Variants in SETX observed in about 807,000 individuals in gnomAD.
The protein encoded by SETX is helicase senataxin.
A neutral mutation model predicts 227.2 loss-of-function variants in SETX; 90 were observed. That is an observed-to-expected ratio of 0.40 (90% CI 0.33 to 0.47). The LOEUF is 0.47. Among genes scored for constraint, SETX ranks in the 20% least tolerant of loss-of-function variants. The pLI is 0.91. For synonymous variants in SETX, 1,210 were observed against 1,113.2 expected (o/e 1.09, Z -1.73); for missense variants, 3,052 against 3,181.5 (o/e 0.96, Z 0.98).
In SETX at chr9:132,278,437, CTTTTTTTTTTTTTTTTTTTTTTT is replaced by C. The variant is rs67558000; in HGVS notation, c.6655-203_6655-181del. Among the ~76,000 whole-genome samples the C allele has an allele frequency of 2.1e-3, 178 of 84,876 alleles. 1 individual carries two copies. The highest frequency in any genetic ancestry group is 6.4e-3 in the African/African-American group (170 of 26,618). The allele number at this position is 84,876 out of a possible 152,430, so 55.7% of individuals were successfully genotyped here. A position where few individuals can be genotyped will look rare whatever the true frequency, so the allele number is the denominator to read the frequency against. Reference sequence around the variant, plus strand: ...CTCTGAGCCTCAAAATGCCATGAATCTTTTTTTTTTTTTTTTTTTTTTTTTTTTTTTTTTGGAGACACAGTCTC... The same window carrying C: ...CTCTGAGCCTCAAAATGCCATGAATCTTTTTTTTTTTGGAGACACAGTCTC... On this transcript the variant is annotated intron_variant, in intron 20 of 25. Coordinates refer to ENST00000224140, the MANE Select transcript of SETX (RefSeq NM_015046.7).
At chr9:132,299,449 T>C (rs1310620822) in intron 12 of SETX, among the ~76,000 whole-genome samples, 1 of 152,212 alleles carries the variant, frequency 6.6e-6, no homozygotes, top group Non-Finnish European at 1.5e-5. Flanking sequence ...CAATCCTCAC[T>C]GCAACTCTTC....
chr9:132,332,976 C>T lies in SETX; in HGVS notation c.839-1528G>A, dbSNP rs1847338676. 4.0e-5 allele frequency among the ~76,000 whole-genome samples: 6 copies of T among 149,500 alleles called. No individual in the cohort carries two copies. In the South Asian group the frequency reaches 1.3e-3, roughly 32 times the overall value. On this transcript the variant is annotated intron_variant, in intron 7 of 25. Transcript: ENST00000224140. Reference sequence around the variant, plus strand: ...AAGATGGTTAAGGGAGCTAGCTTAACAGAAAGGACAGAATTATACATGTAG... The same window carrying T: ...AAGATGGTTAAGGGAGCTAGCTTAATAGAAAGGACAGAATTATACATGTAG...
At chr9:132,265,898 A>T (rs1284290794) in intron 25 of SETX, among the ~76,000 whole-genome samples, 1 of 152,190 alleles carries the variant, frequency 6.6e-6, no homozygotes, top group South Asian at 2.1e-4. Flanking sequence ...AAGGCCTCCC[A>T]AACCCCGAAT....
In SETX at chr9:132,319,786, G is replaced by A. The variant is rs538664001; in HGVS notation, c.5274+6538C>T. Among the ~76,000 whole-genome samples the A allele has an allele frequency of 2.0e-5, 3 of 152,244 alleles. No individual in the cohort carries two copies. In the South Asian group the frequency reaches 6.2e-4, roughly 32 times the overall value. On this transcript the variant is annotated intron_variant, in intron 10 of 25. Transcript: ENST00000224140. The stretch of plus-strand genomic sequence containing the variant: ...TACCACCCTAAATTCACCCAATCTT[G>A]TCTGAAATTAGCCACAGAAATAGAG...
chr9:132,267,088 C>T (rs1842685808), intron 25 of SETX, among the ~76,000 whole-genome samples: 1 of 152,186 alleles, frequency 6.6e-6, no homozygotes, highest in Admixed American at 6.5e-5. Context: ...AAATAAGGCA[C>T]TGTGTCATAG....
intron 10 of SETX, among the ~76,000 whole-genome samples, chr9:132,321,405 C>T (rs1034155180): frequency 2.6e-5 from 4 of 152,018 alleles, no homozygotes; most frequent in Admixed American, 6.5e-5. Flanking sequence ...ACCTGTAATC[C>T]CAGCACTTTG....
intron 5 of SETX, among the ~76,000 whole-genome samples, chr9:132,339,396 T>G (rs1847831658): frequency 6.6e-6 from 1 of 152,092 alleles, no homozygotes; most frequent in African/African-American, 2.4e-5. Flanking sequence ...GAGATTACAG[T>G]GAGCTGTCAT....
chr9:132,309,315 A>G (rs1390598141), intron 11 of SETX, among the ~76,000 whole-genome samples: 2 of 152,154 alleles, frequency 1.3e-5, no homozygotes, highest in African/African-American at 4.8e-5. Flanking sequence ...CATGACAAAC[A>G]TAGCAGTGCA....
intron 10 of SETX, 118 bp downstream of exon 10, chr9:132,326,206 A>T: frequency 1.3e-6 from 1 of 787,158 alleles, no homozygotes; most frequent in East Asian, 2.7e-5. Flanking sequence ...AGCTGGGATT[A>T]CAGGTGCCCG....
At position 132,330,212 on chromosome 9, in the gene SETX, C is replaced by A; in HGVS notation, c.1386G>T (p.Leu462Phe). ...TTCTATGCAGTTCAATCACTGATAC[C>A]AAAATTAGAAGAAAAAATTCAGTGA... ...DKVTEFFLLI[L>F]VSVIELHRNK... Residue 462 changes from leucine (L) to phenylalanine (F), a missense_variant, in exon 10 of 26, where the codon TTG (leucine) becomes TTT (phenylalanine). Physicochemically the swap from Leu to Phe is conservative, Grantham distance 22. Coordinates refer to ENST00000224140, the MANE Select transcript of SETX (RefSeq NM_015046.7). The A allele has an allele frequency of 6.4e-7, 1 of 1,569,250 alleles. No homozygotes were observed. Among genetic ancestry groups the A allele is most frequent in the Non-Finnish European group, 8.6e-7 (1 of 1,157,808 alleles).
rs756823072 is a variant in SETX at position 132,327,478 on chromosome 9, T to C, written c.4120A>G (p.Lys1374Glu). 21 of 1,614,178 alleles carry C rather than the reference T, an allele frequency of 1.3e-5. No homozygotes were observed. The highest frequency in any genetic ancestry group is 1.8e-5 in the Non-Finnish European group (21 of 1,180,048). ...TGTGCTGTATGTGACCCTGCTCTTT[T>C]AACATCTGTACTTTCACAATCAGAA... ...RLSDCESTDV[K>E]RAGSHTAQNS... The change falls in exon 10 of 26, where the codon AAA (lysine) becomes GAA (glutamate). Residue 1374 changes from lysine to glutamate, a missense_variant. Physicochemically the swap from Lys to Glu is moderately conservative, Grantham distance 56. This residue lies in a region of SETX where 1,483 missense variants were observed against 1,312.0 expected (regional missense o/e 1.13). Transcript: ENST00000224140.
chr9:132,309,380 T>TG (rs1845516326), intron 11 of SETX, among the ~76,000 whole-genome samples: 4 of 150,966 alleles, frequency 2.6e-5, no homozygotes, highest in South Asian at 2.1e-4. Flanking sequence ...GACCTCTACT[T>TG]GGGGGAAAAA....
chr9:132,342,665 T>C (rs1369892357), intron 5 of SETX, 25 bp downstream of exon 5: 1 of 1,460,484 alleles, frequency 6.8e-7, no homozygotes, highest in African/African-American at 1.4e-5. Flanking sequence ...AATATACCCT[T>C]CTATCGCCCA....
intron 21 of SETX, among the ~76,000 whole-genome samples, chr9:132,277,474 G>GCAT (rs1161733580): frequency 6.6e-6 from 1 of 152,076 alleles, no homozygotes; most frequent in Non-Finnish European, 1.5e-5. Flanking sequence ...AAAAAGATAT[G>GCAT]CATAGTAAAA....
rs1845200589 is a variant in SETX, at chr9:132,304,380, A to G, written c.5375-3577T>C. ...AATTTAGGGTCCTGCAAGACCCTCA[A>G]AAGTGGAACAAACTCTGGACTTCAC... is the stretch of plus-strand genomic sequence containing the variant. On this transcript the variant is annotated intron_variant, in intron 11 of 25. Transcript: ENST00000224140. Among the ~76,000 whole-genome samples the G allele has an allele frequency of 1.3e-5, 2 of 152,168 alleles. 1 individual carries two copies. The highest frequency in any genetic ancestry group is 4.1e-4 in the South Asian group (2 of 4,832).
upstream of SETX, chr9:132,355,012 C>G (rs1033778147): frequency 1.3e-5 from 2 of 152,174 alleles, no homozygotes; most frequent in Admixed American, 1.3e-4. Flanking sequence ...CAGCTACCAA[C>G]CAGCTGTTGC....
rs117326462 is a variant in SETX, at chr9:132,346,457, T to C, written c.192A>G (p.Leu64=). Residue 64 remains leucine (L), a synonymous_variant, in exon 4 of 26, where the codon TTA becomes TTG. Transcript: ENST00000224140. ...LPFLHEVLWE[L]ETLRLINHFE... The stretch of plus-strand genomic sequence containing the variant: ...AGTGATTTATGAGACGTAAGGTTTC[T>C]AATTCCCATAAAACCTAGAGGAAAA... 2,413 of 1,610,134 alleles carry C rather than the reference T, an allele frequency of 1.5e-3. 2 individuals carry two copies. The highest frequency in any genetic ancestry group is 1.9e-3 in the Non-Finnish European group (2,246 of 1,177,310).
chr9:132,285,004 G>A lies in SETX; in HGVS notation c.6396+1419C>T, dbSNP rs1019536317. Among the ~76,000 whole-genome samples, 14 of 151,698 alleles carry A rather than the reference G, an allele frequency of 9.2e-5. No homozygotes were observed. In the South Asian group the frequency reaches 1.0e-3, roughly 11 times the overall value. Reference sequence around the variant, plus strand: ...CGCCATTCTCCTGCCTCAGGCTCCCGAGTAGGTGGGATTACAGGTGCCCAC... The same window carrying A: ...CGCCATTCTCCTGCCTCAGGCTCCCAAGTAGGTGGGATTACAGGTGCCCAC... On this transcript the variant is annotated intron_variant, in intron 18 of 25. Transcript: ENST00000224140.
intron 23 of SETX, among the ~76,000 whole-genome samples, chr9:132,272,275 TC>T (rs1468174750): frequency 1.3e-5 from 2 of 152,150 alleles, no homozygotes; most frequent in Non-Finnish European, 2.9e-5. Flanking sequence ...CGTCTCAGCC[TC>T]CTAAGTGGCT....
Sources: gnomAD v4.1 joint callset for allele counts (sites outside exome capture counted in the v4.1 genomes callset) on GRCh38, gnomAD v4.1.1 for gene constraint, gnomAD v4.1.1 regional missense constraint, MANE v1.5 for transcripts, NCBI Gene and HGNC (gene_info 2026-07-23, HGNC 2026-07-21) for gene names.